The following PTPRT variants were observed in gnomAD, a reference collection of about 807,000 sequenced individuals.
The protein encoded by PTPRT is receptor-type tyrosine-protein phosphatase T.
Under a neutral mutation model 176.8 loss-of-function variants are expected in PTPRT, and 56 were observed. The ratio of observed to expected loss-of-function variants is 0.32; its 90% CI spans 0.26 to 0.40. PTPRT has a LOEUF of 0.40. Ranked by LOEUF, PTPRT falls within the 10% of genes least tolerant of loss-of-function variation. The probability of loss-of-function intolerance (pLI) is 1.00; values close to 1 mark genes in which losing one functional copy is unlikely to be tolerated. For missense variants in PTPRT, 1,540 were observed against 1,908.2 expected, an observed-to-expected ratio of 0.81 and a Z score of 3.60; for synonymous variants, 783 against 739.0, an observed-to-expected ratio of 1.06 and a Z score of -0.96.
In PTPRT at chr20:42,472,454, T is replaced by A. The variant is rs773703805; in HGVS notation, c.1262A>T (p.Asn421Ile). The A allele has an allele frequency of 1.2e-6, 2 of 1,614,062 alleles. No individual in the cohort carries two copies. The highest frequency in any genetic ancestry group is 1.7e-6 in the Non-Finnish European group (2 of 1,180,030). The change falls in exon 8 of 31, where the codon AAC (asparagine) becomes ATC (isoleucine). Residue 421 changes from asparagine (N) to isoleucine (I), a missense_variant. Asn to Ile is a moderately radical substitution (Grantham distance 149). Around this residue, in one of 11 missense-constraint regions of PTPRT, gnomAD observed 79 missense variants for 80.0 expected, o/e 0.99. Transcript: ENST00000373187. ...GYAVTRCHSY[N>I]LTVQYQYVFN... ...CACATACTGGTACTGCACGGTGAGG[T>A]TGTAGCTATGGCAGCGGGTCACCGC...
At chr20:43,107,111 AT>A (rs1289918612) in intron 1 of PTPRT, among the ~76,000 whole-genome samples, 3 of 152,090 alleles carry the variant, frequency 2.0e-5, no homozygotes, top group African/African-American at 4.8e-5. Context: ...CTTCTTAAAC[AT>A]TTTTCTAATT....
chr20:42,801,017 T>C (rs1569164265), intron 2 of PTPRT, among the ~76,000 whole-genome samples: 1 of 152,156 alleles, frequency 6.6e-6, no homozygotes, highest in Non-Finnish European at 1.5e-5. Flanking sequence ...TGCTCTTTTT[T>C]TCTTCCTGGG....
intron 24 of PTPRT, among the ~76,000 whole-genome samples, chr20:42,105,998 G>A (rs1296276734): frequency 6.6e-6 from 1 of 152,246 alleles, no homozygotes; most frequent in African/African-American, 2.4e-5. Context: ...CTTAGTGAGA[G>A]TGTGGTTCTG....
At chr20:42,776,512 C>T (rs2077137867) in intron 4 of PTPRT, among the ~76,000 whole-genome samples, 2 of 152,130 alleles carry the variant, frequency 1.3e-5, no homozygotes, top group South Asian at 2.1e-4. Flanking sequence ...AAGGCAGCCA[C>T]CTGCAAGCAA....
the PTPRT span, among the ~76,000 whole-genome samples, chr20:42,042,050 T>A: frequency 6.6e-6 from 1 of 152,200 alleles, no homozygotes; most frequent in East Asian, 1.9e-4. Flanking sequence ...TCACTTGTAC[T>A]CCTGCCAAGC....
chr20:42,367,380 C>G (rs2058528915), intron 9 of PTPRT, among the ~76,000 whole-genome samples: 1 of 152,164 alleles, frequency 6.6e-6, no homozygotes, highest in African/African-American at 2.4e-5. Flanking sequence ...ACCACAGACT[C>G]ATTCATGTGG....
At chr20:42,827,676 G>A (rs2078018626) in intron 2 of PTPRT, among the ~76,000 whole-genome samples, 1 of 152,172 alleles carries the variant, frequency 6.6e-6, no homozygotes, top group African/African-American at 2.4e-5. Flanking sequence ...GGGACCTGGT[G>A]GGAGGTAATT....
chr20:42,678,683 CTA>C lies in PTPRT; in HGVS notation c.860-526_860-525del, dbSNP rs1160310623. Among the ~76,000 whole-genome samples the C allele has an allele frequency of 2.0e-5, 3 of 152,282 alleles. No individual in the cohort carries two copies. In the East Asian group the frequency reaches 5.8e-4, roughly 29 times the overall value. ...ACCTGAATCAGTATTTCTTCAATAG[CTA>C]TATTCAATGCCTACCTTATCTCCTT... On this transcript the variant is annotated intron_variant, in intron 6 of 30. Transcript: ENST00000373187.
intron 1 of PTPRT, among the ~76,000 whole-genome samples, chr20:43,034,603 A>T (rs146968761): frequency 2.6e-5 from 4 of 151,264 alleles, no homozygotes; most frequent in African/African-American, 4.9e-5. Flanking sequence ...GAAAGCCCTA[A>T]TCCTAATATT....
At chr20:42,579,163 G>C (rs945018116) in intron 7 of PTPRT, among the ~76,000 whole-genome samples, 2 of 149,536 alleles carry the variant, frequency 1.3e-5, no homozygotes, top group East Asian at 3.9e-4. Flanking sequence ...GCGGTGTTTG[G>C]TTTTTTGTCC....
chr20:42,216,229 T>C (rs1192304676), intron 15 of PTPRT, among the ~76,000 whole-genome samples: 1 of 151,524 alleles, frequency 6.6e-6, no homozygotes, highest in East Asian at 1.9e-4. Context: ...AGACCTTCAG[T>C]TGCCAACTAG....
intron 16 of PTPRT, among the ~76,000 whole-genome samples, chr20:42,171,972 T>C (rs942446220): frequency 6.6e-6 from 1 of 151,950 alleles, no homozygotes. Context: ...CTTATCCCCA[T>C]AGGAGAGAGT....
At chr20:42,461,653 A>G (rs1405774392) in intron 8 of PTPRT, among the ~76,000 whole-genome samples, 1 of 152,242 alleles carries the variant, frequency 6.6e-6, no homozygotes, top group Non-Finnish European at 1.5e-5. Context: ...GCTGTGTCAG[A>G]TATTGCCAAC....
chr20:43,012,115 ACTTCAC>A (rs1169129305), intron 1 of PTPRT, among the ~76,000 whole-genome samples: 1 of 152,122 alleles, frequency 6.6e-6, no homozygotes, highest in Non-Finnish European at 1.5e-5. Context: ...CTATTGTGGG[ACTTCAC>A]CTTGTGACCA....
chr20:42,071,898 A>G (rs551043211), downstream of PTPRT, among the ~76,000 whole-genome samples: 4 of 152,014 alleles, frequency 2.6e-5, no homozygotes, highest in South Asian at 8.3e-4. Context: ...GGCCTAAGTG[A>G]TCTCCCACTT....
At chr20:42,865,892 A>C (rs1349323156) in intron 2 of PTPRT, among the ~76,000 whole-genome samples, 1 of 152,104 alleles carries the variant, frequency 6.6e-6, no homozygotes, top group Non-Finnish European at 1.5e-5. Context: ...TCAGGCTCCC[A>C]TTCCTCTACC....
At chr20:43,107,729 C>T (rs2012677726) in intron 1 of PTPRT, among the ~76,000 whole-genome samples, 1 of 152,156 alleles carries the variant, frequency 6.6e-6, no homozygotes, top group African/African-American at 2.4e-5. Flanking sequence ...ATCAGGAACT[C>T]GGTTCCTGAA....
intron 14 of PTPRT, among the ~76,000 whole-genome samples, chr20:42,239,299 A>T (rs1284803681): frequency 6.6e-6 from 1 of 152,160 alleles, no homozygotes; most frequent in African/African-American, 2.4e-5. Context: ...AATTAGTGCC[A>T]TTCCCACTAT....
intron 1 of PTPRT, among the ~76,000 whole-genome samples, chr20:43,075,952 C>G (rs1210500350): frequency 1.3e-5 from 2 of 152,248 alleles, no homozygotes; most frequent in Admixed American, 6.5e-5. Flanking sequence ...TGCCAAAACT[C>G]CAGAATTCTA....
Sources: allele counts gnomAD v4.1 joint callset (sites outside exome capture counted in the v4.1 genomes callset), GRCh38; gene constraint gnomAD v4.1.1; regional missense constraint gnomAD v4.1.1; transcripts MANE v1.5; gene names NCBI Gene and HGNC (gene_info 2026-07-23, HGNC 2026-07-21).